Variants in CMPK1 observed in about 807,000 individuals in gnomAD.
CMPK1 encodes the protein cytidine/uridine monophosphate kinase 1, also known as UMP-CMP kinase.
A neutral mutation model predicts 25.7 loss-of-function variants in CMPK1; 10 were observed. The ratio of observed to expected loss-of-function variants is 0.39; its 90% CI spans 0.24 to 0.66. The LOEUF is 0.66. Ranked by LOEUF, CMPK1 falls within the 30% of genes least tolerant of loss-of-function variation. The pLI, the probability that CMPK1 is intolerant of heterozygous loss-of-function variation, is 0.48. For synonymous variants in CMPK1, 106 were observed against 101.5 expected (o/e 1.04, Z -0.27); for missense variants, 199 against 280.5 (o/e 0.71, Z 2.08).
chr1:47,334,418 A>C (rs1646380793), intron 1 of CMPK1, among the ~76,000 whole-genome samples: 1 of 152,162 alleles, frequency 6.6e-6, no homozygotes, highest in South Asian at 2.1e-4. Context: ...GGGATCCCGG[A>C]GGCCAACCTT....
At chr1:47,356,677 T>C (rs1381964807) in intron 1 of CMPK1, among the ~76,000 whole-genome samples, 1 of 152,154 alleles carries the variant, frequency 6.6e-6, no homozygotes, top group Non-Finnish European at 1.5e-5. Context: ...ATTTATTTAT[T>C]TGAGACAGGG....
chr1:47,335,259 T>C (rs1570344648), intron 1 of CMPK1, among the ~76,000 whole-genome samples: 1 of 152,328 alleles, frequency 6.6e-6, no homozygotes, highest in East Asian at 1.9e-4. Flanking sequence ...TCAACTCCTG[T>C]CCTGTATTTT....
intron 1 of CMPK1, among the ~76,000 whole-genome samples, chr1:47,353,029 G>A (rs1455964536): frequency 6.6e-6 from 1 of 152,120 alleles, no homozygotes; most frequent in East Asian, 1.9e-4. Flanking sequence ...TAACAATGAA[G>A]GTGATTCTTT....
intron 1 of CMPK1, chr1:47,358,771 A>G: frequency 1.0e-6 from 1 of 984,518 alleles, no homozygotes; most frequent in Non-Finnish European, 1.2e-6. Context: ...CAAATGCTCA[A>G]ATGTTATGTT....
At chr1:47,358,064 A>G (rs1484532415) in intron 1 of CMPK1, among the ~76,000 whole-genome samples, 4 of 127,408 alleles carry the variant, frequency 3.1e-5, no homozygotes, top group African/African-American at 9.1e-5. Flanking sequence ...GAGTTTGTCT[A>G]TCTCTTCTCT....
chr1:47,366,757 C>G (rs1646641860), intron 1 of CMPK1, among the ~76,000 whole-genome samples: 3 of 152,108 alleles, frequency 2.0e-5, no homozygotes, highest in Non-Finnish European at 2.9e-5. Context: ...TGGAGTCTCA[C>G]TCTGTCACCC....
chr1:47,345,498 T>TTC (rs1553188070), intron 1 of CMPK1, among the ~76,000 whole-genome samples: 9 of 145,508 alleles, frequency 6.2e-5, no homozygotes, highest in African/African-American at 2.3e-4. Context: ...TTTAATTTCT[T>TTC]TTTTTTTTTT....
At chr1:47,347,007 T>C (rs1646489823) in intron 1 of CMPK1, among the ~76,000 whole-genome samples, 2 of 150,400 alleles carry the variant, frequency 1.3e-5, no homozygotes, top group Admixed American at 1.3e-4. Flanking sequence ...GGTCTTGAAC[T>C]CCTAACCTCA....
At chr1:47,376,364 G>T (rs1570386261) in intron 5 of CMPK1, among the ~76,000 whole-genome samples, 2 of 151,970 alleles carry the variant, frequency 1.3e-5, no homozygotes, top group South Asian at 4.2e-4. Flanking sequence ...TGCCCAGGCT[G>T]GAGTGCAATG....
intron 1 of CMPK1, among the ~76,000 whole-genome samples, chr1:47,341,685 T>C (rs1415680920): frequency 6.6e-6 from 1 of 152,012 alleles, no homozygotes; most frequent in East Asian, 1.9e-4. Flanking sequence ...GTCGCCCAGG[T>C]TGGAGTGCAA....
rs1182237124 is a variant in CMPK1 at position 47,369,144 on chromosome 1, C to T, written c.318+529C>T. On this transcript the variant is annotated intron_variant, in intron 2 of 5. Transcript: ENST00000371873. ...TCAGCCTCCTGAATAGCTGGGACTA[C>T]AGGTGCATGCCACCACACCTAGCTA... is the stretch of plus-strand genomic sequence containing the variant. Among the ~76,000 whole-genome samples the T allele has an allele frequency of 4.6e-5, 7 of 152,248 alleles. No homozygotes were observed. In the South Asian group the frequency reaches 6.2e-4, roughly 14 times the overall value.
At chr1:47,362,217 T>A (rs553365837) in intron 1 of CMPK1, among the ~76,000 whole-genome samples, 2 of 142,892 alleles carry the variant, frequency 1.4e-5, no homozygotes, top group Non-Finnish European at 3.0e-5. Context: ...TTGCCTAGGC[T>A]GGACGGCAGT....
At chr1:47,359,673 G>T (rs1427668906) in intron 1 of CMPK1, among the ~76,000 whole-genome samples, 2 of 151,920 alleles carry the variant, frequency 1.3e-5, no homozygotes, top group African/African-American at 2.4e-5. Flanking sequence ...ACAGACCTGA[G>T]CCCCCACACC....
chr1:47,334,171 C>T (rs1342157424), intron 1 of CMPK1, 55 bp downstream of exon 1: 14 of 1,337,546 alleles, frequency 1.0e-5, no homozygotes, highest in East Asian at 9.6e-5. Flanking sequence ...GCGGGCCGGC[C>T]TGTCCCGCCG....
intron 1 of CMPK1, among the ~76,000 whole-genome samples, chr1:47,367,982 C>T (rs970127031): frequency 1.6e-4 from 25 of 152,090 alleles, no homozygotes; most frequent in African/African-American, 5.3e-4. Flanking sequence ...GATGGAGTCT[C>T]GCTGTCGCCC....
At chr1:47,351,153 A>G (rs28819073) in intron 1 of CMPK1, among the ~76,000 whole-genome samples, 6 of 151,982 alleles carry the variant, frequency 3.9e-5, no homozygotes, top group Admixed American at 3.9e-4. Context: ...GCACGATCTC[A>G]GCTCACTGCA....
In CMPK1 at chr1:47,373,103, A is replaced by G. The variant is rs367709488; in HGVS notation, c.467A>G (p.Asn156Ser). 1.6e-5 allele frequency: 26 copies of G among 1,604,900 alleles called. No individual in the cohort carries two copies. Among genetic ancestry groups the G allele is most frequent in the Admixed American group, 1.2e-4 (7 of 58,286 alleles). Residue 156 changes from asparagine to serine, a missense_variant, in exon 3 of 6, where the codon AAT (asparagine) becomes AGT (serine). Coordinates refer to ENST00000371873, the MANE Select transcript of CMPK1 (RefSeq NM_016308.3). ...TTCGTTCTCTTTTTTGACTGTAATA[A>G]TGAGGTAATGAAAATCTTCATCTGC... Reference protein sequence around the residue: ...VSFVLFFDCNNEICIERCLER... With the variant: ...VSFVLFFDCNSEICIERCLER...
At chr1:47,376,011 A>C (rs976482431) in intron 5 of CMPK1, among the ~76,000 whole-genome samples, 8 of 152,182 alleles carry the variant, frequency 5.3e-5, no homozygotes, top group Non-Finnish European at 1.2e-4. Flanking sequence ...TGTGTTTTAG[A>C]ATCAGAACTA....
At chr1:47,354,222 G>A (rs1646542318) in intron 1 of CMPK1, among the ~76,000 whole-genome samples, 1 of 152,058 alleles carries the variant, frequency 6.6e-6, no homozygotes, top group African/African-American at 2.4e-5. Flanking sequence ...CCAGCTACTC[G>A]GGAGGCTAAG....
Sources: allele counts gnomAD v4.1 joint callset (sites outside exome capture counted in the v4.1 genomes callset), GRCh38; gene constraint gnomAD v4.1.1; transcripts MANE v1.5; gene names NCBI Gene and HGNC (gene_info 2026-07-23, HGNC 2026-07-21).